ABR: variants seen among roughly 807,000 people sequenced by gnomAD.
The protein encoded by ABR is ABR activator of RhoGEF and GTPase.
Under a neutral mutation model 107.2 loss-of-function variants are expected in ABR, and 35 were observed. The observed-to-expected ratio is 0.33, with a 90% CI of 0.25 to 0.43. The LOEUF is 0.43. Ranked by LOEUF, ABR falls within the 20% of genes least tolerant of loss-of-function variation. The pLI is 1.00. For missense variants in ABR, 815 were observed against 1,115.2 expected (o/e 0.73, Z 3.83); for synonymous variants, 498 against 462.0 (o/e 1.08, Z -1.00).
intron 16 of ABR, among the ~76,000 whole-genome samples, chr17:1,035,272 G>A (rs966553210): frequency 6.6e-6 from 1 of 151,126 alleles, no homozygotes; most frequent in Non-Finnish European, 1.5e-5. Flanking sequence ...GTTCAGCTCA[G>A]GCTATCCCAA....
chr17:1,212,936 G>T (rs8064262), intron 1 of ABR, among the ~76,000 whole-genome samples: 4 of 152,050 alleles, frequency 2.6e-5, no homozygotes, highest in African/African-American at 9.7e-5. Context: ...GGGAGAAGCT[G>T]TATCTGGGAT....
At position 1,022,120 on chromosome 17, in the gene ABR, A is replaced by AAAAAAAAAC. The variant is rs56033950; in HGVS notation, c.1792-8957_1792-8956insGTTTTTTTT. Among the ~76,000 whole-genome samples, 30 of 118,390 alleles carry AAAAAAAAAC rather than the reference A, an allele frequency of 2.5e-4. 1 individual carries two copies. The highest frequency in any genetic ancestry group is 9.1e-4 in the African/African-American group (25 of 27,372). The allele number at this position is 118,390 out of a possible 152,430, so 77.7% of individuals were successfully genotyped here. A position where few individuals can be genotyped will look rare whatever the true frequency, so the allele number is the denominator to read the frequency against. ...AGACTCTGTCTCAAAAAAAAAAAAA[A>AAAAAAAAAC]AAAAACAGAAAATGACTCCAGAAGG... On this transcript the variant is annotated intron_variant, in intron 16 of 22. Transcript: ENST00000302538.
At chr17:1,013,613 C>T (rs571640015) in intron 16 of ABR, among the ~76,000 whole-genome samples, 1 of 152,348 alleles carries the variant, frequency 6.6e-6, no homozygotes, top group African/African-American at 2.4e-5. Flanking sequence ...AGCCCATCCA[C>T]GTGGAGGTGT....
chr17:1,083,360 G>C lies in ABR; in HGVS notation c.639+160C>G. 7.7e-6 allele frequency: 3 copies of C among 387,444 alleles called. No individual in the cohort carries two copies. The South Asian group carries it at 2.3e-4, about 30-fold the overall frequency. 24.0% of individuals were successfully genotyped at this position (387,444 alleles called of 1,614,324 possible). The stretch of plus-strand genomic sequence containing the variant: ...AATAAAATAGATCGTTTTCTATTAA[G>C]AGGGAAAATGTCAGGTGCAAGAAAG... On this transcript the variant is annotated intron_variant, in intron 5 of 22. Transcript: ENST00000302538.
chr17:1,206,045 G>A (rs920057605), intron 1 of ABR, among the ~76,000 whole-genome samples: 43 of 152,334 alleles, frequency 2.8e-4, no homozygotes, highest in African/African-American at 9.1e-4. Context: ...GAACCCAGGA[G>A]GTGGCGGTTG....
At chr17:1,081,631 C>T (rs533505187) in intron 5 of ABR, among the ~76,000 whole-genome samples, 6 of 152,262 alleles carry the variant, frequency 3.9e-5, no homozygotes, top group African/African-American at 1.4e-4. Context: ...GACTGGAGTG[C>T]AGTGGCGTGA....
intron 10 of ABR, 130 bp downstream of exon 10, chr17:1,066,947 G>T: frequency 1.1e-6 from 1 of 905,246 alleles, no homozygotes; most frequent in Non-Finnish European, 1.7e-6. Flanking sequence ...CTGTAGTCGG[G>T]GTCTTTCCCT....
At chr17:1,065,379 G>A (rs1441594587) in intron 10 of ABR, among the ~76,000 whole-genome samples, 7 of 64,870 alleles carry the variant, frequency 1.1e-4, no homozygotes, top group African/African-American at 3.9e-4. Context: ...TGAGGGCTAT[G>A]CATGTTCCTC....
At chr17:1,024,783 CAAAAAAAA>C (rs57876178) in intron 16 of ABR, among the ~76,000 whole-genome samples, 1 of 92,774 alleles carries the variant, frequency 1.1e-5, no homozygotes. Flanking sequence ...GAGACTCCCA[CAAAAAAAA>C]AAAAAAAAAA....
chr17:1,136,410 G>C (rs1268506530), intron 1 of ABR, among the ~76,000 whole-genome samples: 1 of 127,830 alleles, frequency 7.8e-6, no homozygotes, highest in African/African-American at 2.7e-5. Context: ...TGTATTTTTA[G>C]TAAAGACAGG....
At chr17:1,178,871 C>T (rs1033494977) in intron 1 of ABR, among the ~76,000 whole-genome samples, 1 of 147,778 alleles carries the variant, frequency 6.8e-6, no homozygotes, top group South Asian at 2.2e-4. Flanking sequence ...GGGCGGGGGG[C>T]GGCTCTCGGT....
At chr17:1,041,067 G>A (rs1289321642) in intron 16 of ABR, among the ~76,000 whole-genome samples, 4 of 152,178 alleles carry the variant, frequency 2.6e-5, no homozygotes, top group South Asian at 2.1e-4. Flanking sequence ...TTACAGGAGC[G>A]CACCATCACG....
chr17:1,018,295 G>C (rs1225071626), intron 16 of ABR, among the ~76,000 whole-genome samples: 1 of 152,074 alleles, frequency 6.6e-6, no homozygotes, highest in Non-Finnish European at 1.5e-5. Flanking sequence ...GCCCACCTCG[G>C]CCTCCCAAAG....
intron 1 of ABR, among the ~76,000 whole-genome samples, chr17:1,204,369 C>T (rs1234629594): frequency 2.6e-5 from 4 of 152,124 alleles, no homozygotes; most frequent in African/African-American, 7.2e-5. Context: ...CGCTTGAACC[C>T]GGGAGGCAGA....
chr17:1,116,603 A>G (rs1240665553), intron 2 of ABR, among the ~76,000 whole-genome samples: 18 of 152,166 alleles, frequency 1.2e-4, no homozygotes, highest in African/African-American at 4.3e-4. Flanking sequence ...GGAGGGCCAG[A>G]GAGGACGGGA....
chr17:1,012,057 A>G (rs765180951), intron 18 of ABR, 72 bp from the exon 19 acceptor site: 18 of 1,590,956 alleles, frequency 1.1e-5, no homozygotes, highest in Admixed American at 8.4e-5. Flanking sequence ...CCCACCCAGC[A>G]CACACACACC....
intron 10 of ABR, among the ~76,000 whole-genome samples, chr17:1,066,746 C>T (rs139258863): frequency 3.9e-5 from 6 of 152,276 alleles, no homozygotes; most frequent in Admixed American, 1.3e-4. Context: ...CCAGGCTGGT[C>T]TCGAACTCCT....
intron 16 of ABR, among the ~76,000 whole-genome samples, chr17:1,049,024 C>T (rs1469189332): frequency 1.3e-5 from 2 of 152,150 alleles, no homozygotes; most frequent in African/African-American, 2.4e-5. Context: ...CGCCTTTTCC[C>T]GCTCCCAAGC....
intron 1 of ABR, among the ~76,000 whole-genome samples, chr17:1,196,687 C>T (rs2042573911): frequency 6.9e-6 from 1 of 143,942 alleles, no homozygotes; most frequent in African/African-American, 2.5e-5. Context: ...TACAGGAGAT[C>T]CAACCTTCCT....
Sources: allele counts gnomAD v4.1 joint callset (sites outside exome capture counted in the v4.1 genomes callset), GRCh38; gene constraint gnomAD v4.1.1; transcripts MANE v1.5; gene names NCBI Gene and HGNC (gene_info 2026-07-23, HGNC 2026-07-21).